Variants in TNKS2 observed in about 807,000 individuals in gnomAD.
TNKS2 encodes poly [ADP-ribose] polymerase tankyrase-2.
In TNKS2, 72 loss-of-function variants were observed where a neutral mutation model predicts 137.6. That is an observed-to-expected ratio of 0.52 (90% confidence interval 0.43 to 0.64). The LOEUF is 0.64. TNKS2 is among the 30% of genes least tolerant of loss of function. The pLI is 0.00. For synonymous variants in TNKS2, 516 were observed against 512.1 expected (o/e 1.01, Z -0.10); for missense variants, 1,049 against 1,410.2 (o/e 0.74, Z 4.10).
At chr10:91,817,545 G>A (rs971215068) in intron 3 of TNKS2, among the ~76,000 whole-genome samples, 2 of 152,066 alleles carry the variant, frequency 1.3e-5, no homozygotes, top group Admixed American at 6.6e-5. Context: ...GATAACTTAT[G>A]CCTGCCCTTT....
At chr10:91,862,238 C>T in intron 26 of TNKS2, 83 bp downstream of exon 26, 1 of 1,131,504 alleles carries the variant, frequency 8.8e-7, no homozygotes, top group Non-Finnish European at 1.2e-6. Context: ...ATTGACAAGA[C>T]ATATTGCCTT....
intron 12 of TNKS2, among the ~76,000 whole-genome samples, chr10:91,836,065 G>A (rs181190240): frequency 5.5e-5 from 6 of 108,768 alleles, no homozygotes; most frequent in Admixed American, 2.3e-4. Context: ...TTTTTGAGAC[G>A]AAGTTTCACT....
At chr10:91,851,418 A>AT in intron 21 of TNKS2, 82 bp downstream of exon 21, 1 of 1,005,456 alleles carries the variant, frequency 9.9e-7, no homozygotes. Context: ...ATAATTTAAA[A>AT]ATATGAGAGA....
In TNKS2 at chr10:91,820,009, C is replaced by T. The variant is rs1404814775; in HGVS notation, c.704C>T (p.Ala235Val). Residue 235 changes from alanine (A) to valine (V), a missense_variant, in exon 6 of 27, where the codon GCT becomes GTT. Coordinates refer to ENST00000371627, the MANE Select transcript of TNKS2 (RefSeq NM_025235.4). ...KIVQLLLQHGADVHAKDKGDL... is the reference protein window; with the variant it reads ...KIVQLLLQHGVDVHAKDKGDL... ...GTACAGCTGTTACTGCAACATGGAG[C>T]TGATGTCCATGCTAAAGATAAAGGG... 1.9e-6 allele frequency: 3 copies of T among 1,589,784 alleles called. No individual in the cohort carries two copies. Among genetic ancestry groups the T allele is most frequent in the Non-Finnish European group, 2.6e-6 (3 of 1,168,326 alleles).
intron 1 of TNKS2, among the ~76,000 whole-genome samples, chr10:91,811,022 G>A (rs1181730176): frequency 7.2e-6 from 1 of 138,532 alleles, no homozygotes; most frequent in Non-Finnish European, 1.5e-5. Flanking sequence ...ATACCTGCCG[G>A]GTTCAAGCAA....
At chr10:91,822,396 A>G in intron 7 of TNKS2, 34 bp downstream of exon 7, 1 of 1,524,610 alleles carries the variant, frequency 6.6e-7, no homozygotes, top group Non-Finnish European at 9.1e-7. Flanking sequence ...ATTACTTTCT[A>G]GAGTTATATA....
intron 2 of TNKS2, among the ~76,000 whole-genome samples, chr10:91,814,062 C>T (rs1844594617): frequency 6.6e-6 from 1 of 152,036 alleles, no homozygotes; most frequent in Admixed American, 6.6e-5. Flanking sequence ...TGTAAAACAG[C>T]CTCAGGCAGG....
chr10:91,853,440 A>T (rs1337141180), intron 21 of TNKS2, among the ~76,000 whole-genome samples: 1 of 152,192 alleles, frequency 6.6e-6, no homozygotes, highest in Non-Finnish European at 1.5e-5. Context: ...TTCAAAGCCA[A>T]TACTCTTTTT....
In TNKS2 at chr10:91,855,566, A is replaced by G. The variant is rs745320656; in HGVS notation, c.2914-48A>G. ...AGAACCATGTTCCCCAAATCAGAAA[A>G]TAACACAAATGCTAATGCACATATA... On this transcript the variant is annotated intron_variant, in intron 22 of 26. Coordinates refer to ENST00000371627, the MANE Select transcript of TNKS2 (RefSeq NM_025235.4). 9.6e-5 allele frequency: 137 copies of G among 1,428,910 alleles called. 1 individual carries two copies. The Admixed American group carries it at 2.6e-3, about 27-fold the overall frequency. The allele number at this position is 1,428,910 out of a possible 1,614,324, so 88.5% of individuals were successfully genotyped here.
intron 12 of TNKS2, 122 bp from the exon 13 acceptor site, chr10:91,836,797 T>C (rs1842035101): frequency 1.4e-6 from 2 of 1,423,704 alleles, no homozygotes; most frequent in Non-Finnish European, 1.8e-6. Context: ...ACCATGGAGA[T>C]CTCGTACATA....
intron 13 of TNKS2, among the ~76,000 whole-genome samples, chr10:91,839,980 C>T (rs1554838789): frequency 6.6e-6 from 1 of 152,056 alleles, no homozygotes; most frequent in Non-Finnish European, 1.5e-5. Flanking sequence ...CTTAGTTTAC[C>T]TGTATATATA....
chr10:91,798,605 C>T lies in TNKS2; in HGVS notation c.-86C>T, dbSNP rs1316736488. On this transcript the variant is annotated 5_prime_UTR_variant, in exon 1 of 27. Transcript: ENST00000371627. ...GCCCGGGCCCTGAGCGCGTCTTCTC[C>T]GGGGGGCCTCGCCCTCCTGCTCGCG... 3.3e-6 allele frequency: 4 copies of T among 1,200,878 alleles called. No homozygotes were observed. Among genetic ancestry groups the T allele is most frequent in the Non-Finnish European group, 4.1e-6 (4 of 967,862 alleles). 74.4% of individuals were successfully genotyped at this position (1,200,878 alleles called of 1,614,324 possible).
intron 1 of TNKS2, chr10:91,807,425 C>G: frequency 6.2e-7 from 1 of 1,613,952 alleles, no homozygotes; most frequent in Non-Finnish European, 8.5e-7. Context: ...CCTCCCAGGT[C>G]TGGTACTGCG....
At position 91,819,967 on chromosome 10, in the gene TNKS2, A is replaced by G; in HGVS notation, c.662A>G (p.Tyr221Cys). The change falls in exon 6 of 27, where the codon TAT (tyrosine) becomes TGT (cysteine). Residue 221 changes from tyrosine to cysteine, a missense_variant. This residue lies in a region of TNKS2 where 374 missense variants were observed against 460.8 expected (regional missense o/e 0.81). Coordinates refer to ENST00000371627, the MANE Select transcript of TNKS2 (RefSeq NM_025235.4). Reference sequence around the variant, plus strand: ...ACTCCATTACATTTGGCAGCAGGATATAACAGAGTAAAGATTGTACAGCTG... The same window carrying G: ...ACTCCATTACATTTGGCAGCAGGATGTAACAGAGTAAAGATTGTACAGCTG... ...KSTPLHLAAG[Y>C]NRVKIVQLLL... The G allele has an allele frequency of 1.3e-6, 2 of 1,592,754 alleles. No individual in the cohort carries two copies. Among genetic ancestry groups the G allele is most frequent in the Non-Finnish European group, 1.7e-6 (2 of 1,170,222 alleles).
chr10:91,798,649 C>A lies in TNKS2; in HGVS notation c.-42C>A. On this transcript the variant is annotated 5_prime_UTR_variant, in exon 1 of 27. Coordinates refer to ENST00000371627, the MANE Select transcript of TNKS2 (RefSeq NM_025235.4). ...GCTCGCGGGGCCGGGGCTCCTGCTC[C>A]GGTTGCTGGCGCTGTTGCTGGCTGT... The A allele has an allele frequency of 8.2e-7, 1 of 1,216,784 alleles. No individual in the cohort carries two copies. The highest frequency in any genetic ancestry group is 1.0e-6 in the Non-Finnish European group (1 of 977,540). 75.4% of individuals were successfully genotyped at this position (1,216,784 alleles called of 1,614,324 possible).
chr10:91,812,000 C>G (rs1236363472), intron 1 of TNKS2, among the ~76,000 whole-genome samples: 4 of 150,666 alleles, frequency 2.7e-5, no homozygotes, highest in African/African-American at 9.8e-5. Context: ...GCGGAGCTTG[C>G]AGTGAGCCGA....
At chr10:91,836,603 A>C in intron 12 of TNKS2, 1 of 981,706 alleles carries the variant, frequency 1.0e-6, no homozygotes, top group Non-Finnish European at 1.2e-6. Flanking sequence ...ATACTTTTGC[A>C]CCATTCCAAT....
intron 9 of TNKS2, among the ~76,000 whole-genome samples, chr10:91,829,362 A>G (rs1845164520): frequency 6.6e-6 from 1 of 152,210 alleles, no homozygotes; most frequent in South Asian, 2.1e-4. Flanking sequence ...TTAAAACTGT[A>G]CAAAGAAACA....
At chr10:91,826,147 C>T (rs1317090264) in intron 7 of TNKS2, among the ~76,000 whole-genome samples, 10 of 152,132 alleles carry the variant, frequency 6.6e-5, no homozygotes, top group South Asian at 2.1e-4. Context: ...AATTCACTTA[C>T]GTTTCATATA....
Sources: allele counts gnomAD v4.1 joint callset (sites outside exome capture counted in the v4.1 genomes callset), GRCh38; gene constraint gnomAD v4.1.1; regional missense constraint gnomAD v4.1.1; transcripts MANE v1.5; gene names NCBI Gene and HGNC (gene_info 2026-07-23, HGNC 2026-07-21).